The following TBC1D22A variants were observed in gnomAD, a reference collection of about 807,000 sequenced individuals.
TBC1D22A encodes the protein TBC1 domain family member 22A, also known as putative GTPase activator.
Under a neutral mutation model 60.2 loss-of-function variants are expected in TBC1D22A, and 38 were observed. The observed-to-expected ratio is 0.63, with a 90% CI of 0.49 to 0.83. The LOEUF (loss-of-function observed/expected upper bound fraction) is 0.83. Ranked by LOEUF, TBC1D22A falls within the 40% of genes least tolerant of loss-of-function variation. TBC1D22A has a pLI of 0.00. For missense variants in TBC1D22A, 628 were observed against 701.0 expected, an observed-to-expected ratio of 0.90 and a Z score of 1.18; for synonymous variants, 302 against 281.7, an observed-to-expected ratio of 1.07 and a Z score of -0.72.
intron 4 of TBC1D22A, among the ~76,000 whole-genome samples, chr22:46,852,565 A>G (rs777657644): frequency 1.1e-4 from 16 of 152,162 alleles, no homozygotes; most frequent in Non-Finnish European, 1.6e-4. Context: ...CTCTGGAGAC[A>G]TCATACTGGG....
In TBC1D22A at chr22:46,906,779, C is replaced by CTG. The variant is rs148450942; in HGVS notation, c.901-5275_901-5274dup. Among the ~76,000 whole-genome samples the CTG allele has an allele frequency of 4.8e-3, 714 of 149,168 alleles. 3 individuals are homozygous for CTG. The highest frequency in any genetic ancestry group is 0.01 in the African/African-American group (416 of 40,596). On this transcript the variant is annotated intron_variant, in intron 7 of 12. Transcript: ENST00000337137. ...GTGTGTGTCCCAGATGGACCCTGAA[C>CTG]TGTGTGTGTGTGTGTGTGTGTATGT...
At chr22:46,925,080 T>A (rs150292484) in intron 8 of TBC1D22A, among the ~76,000 whole-genome samples, 1 of 152,374 alleles carries the variant, frequency 6.6e-6, no homozygotes, top group East Asian at 1.9e-4. Flanking sequence ...TTCTCATTGA[T>A]AAGTTGTAGC....
chr22:47,014,412 C>A (rs557150512), intron 10 of TBC1D22A, among the ~76,000 whole-genome samples: 71 of 152,306 alleles, frequency 4.7e-4, no homozygotes, highest in South Asian at 1.0e-3. Flanking sequence ...CCAGACTAGA[C>A]CCAGGGCCCC....
chr22:46,928,401 G>T (rs1476598133), intron 8 of TBC1D22A, among the ~76,000 whole-genome samples: 2 of 152,196 alleles, frequency 1.3e-5, no homozygotes, highest in East Asian at 1.9e-4. Context: ...TTCCACTCCT[G>T]CCTCTCTGTA....
At chr22:46,873,678 C>A (rs1207654885) in intron 4 of TBC1D22A, among the ~76,000 whole-genome samples, 1 of 152,196 alleles carries the variant, frequency 6.6e-6, no homozygotes, top group African/African-American at 2.4e-5. Flanking sequence ...CCATCCTCTG[C>A]CCTCCAGTAG....
chr22:46,962,069 G>A (rs1161776825), intron 8 of TBC1D22A, among the ~76,000 whole-genome samples: 2 of 152,192 alleles, frequency 1.3e-5, no homozygotes, highest in Non-Finnish European at 2.9e-5. Flanking sequence ...GACTGTGGCC[G>A]GCCCTCTGGT....
chr22:47,013,557 CTCT>C (rs1252454501), intron 10 of TBC1D22A, among the ~76,000 whole-genome samples: 1 of 152,226 alleles, frequency 6.6e-6, no homozygotes, highest in Admixed American at 6.5e-5. Flanking sequence ...TGTGTCTTTT[CTCT>C]TCTTCATTTT....
intron 10 of TBC1D22A, among the ~76,000 whole-genome samples, chr22:47,032,533 C>T (rs1346081554): frequency 6.6e-6 from 1 of 152,222 alleles, no homozygotes; most frequent in African/African-American, 2.4e-5. Flanking sequence ...GGGAAGAACA[C>T]CCAGGCTCTG....
At chr22:47,104,167 G>T (rs1020249243) in intron 11 of TBC1D22A, among the ~76,000 whole-genome samples, 14 of 152,126 alleles carry the variant, frequency 9.2e-5, no homozygotes, top group South Asian at 2.1e-4. Flanking sequence ...TTAGCTAGGT[G>T]TGGTGGTGTG....
At chr22:46,975,886 C>A (rs1261812129) in intron 9 of TBC1D22A, among the ~76,000 whole-genome samples, 10 of 152,156 alleles carry the variant, frequency 6.6e-5, no homozygotes, top group Non-Finnish European at 8.8e-5. Flanking sequence ...AGAATGGAAA[C>A]CTCGTATCTA....
intron 8 of TBC1D22A, among the ~76,000 whole-genome samples, chr22:46,922,349 G>C (rs899698195): frequency 6.6e-6 from 1 of 152,212 alleles, no homozygotes; most frequent in African/African-American, 2.4e-5. Context: ...TCATAAGCAT[G>C]AATATTGTAA....
chr22:47,145,545 G>A (rs1179320570), intron 12 of TBC1D22A, among the ~76,000 whole-genome samples: 1 of 152,188 alleles, frequency 6.6e-6, no homozygotes, highest in Non-Finnish European at 1.5e-5. Flanking sequence ...CAAAAGCATC[G>A]TCATATGAAG....
At chr22:46,798,939 G>A (rs1472625491) in intron 4 of TBC1D22A, among the ~76,000 whole-genome samples, 3 of 152,220 alleles carry the variant, frequency 2.0e-5, no homozygotes, top group Admixed American at 2.0e-4. Context: ...CTGAAGCTGT[G>A]TTCTCGAGGC....
chr22:47,110,139 G>A (rs190810863), intron 11 of TBC1D22A, among the ~76,000 whole-genome samples: 23 of 152,298 alleles, frequency 1.5e-4, no homozygotes, highest in Admixed American at 2.0e-4. Context: ...CAGGGTCTCT[G>A]TGTTTCCTGC....
chr22:47,106,436 C>G (rs2065634904), intron 11 of TBC1D22A, among the ~76,000 whole-genome samples: 1 of 152,142 alleles, frequency 6.6e-6, no homozygotes, highest in African/African-American at 2.4e-5. Flanking sequence ...GAAGGAATGA[C>G]AAATAGATTG....
intron 4 of TBC1D22A, among the ~76,000 whole-genome samples, chr22:46,874,176 G>A (rs180864841): frequency 2.6e-5 from 4 of 152,124 alleles, no homozygotes; most frequent in African/African-American, 9.7e-5. Flanking sequence ...TCTTTATGGA[G>A]TCTCTCATTG....
At chr22:46,847,645 A>T (rs1397566184) in intron 4 of TBC1D22A, among the ~76,000 whole-genome samples, 1 of 151,946 alleles carries the variant, frequency 6.6e-6, no homozygotes, top group African/African-American at 2.4e-5. Context: ...AGGTCTGTTG[A>T]TGATGTCTGA....
At chr22:47,169,251 C>G (rs2068335104) in intron 12 of TBC1D22A, among the ~76,000 whole-genome samples, 1 of 152,204 alleles carries the variant, frequency 6.6e-6, no homozygotes, top group Non-Finnish European at 1.5e-5. Flanking sequence ...CCCACCCCCA[C>G]CGGCCCTCAA....
At chr22:46,953,091 T>A (rs1198080762) in intron 8 of TBC1D22A, among the ~76,000 whole-genome samples, 1 of 152,228 alleles carries the variant, frequency 6.6e-6, no homozygotes, top group Non-Finnish European at 1.5e-5. Flanking sequence ...CATACTTCAC[T>A]TCCTTGAGGG....
Sources: allele counts gnomAD v4.1 joint callset (sites outside exome capture counted in the v4.1 genomes callset), GRCh38; gene constraint gnomAD v4.1.1; transcripts MANE v1.5; gene names NCBI Gene and HGNC (gene_info 2026-07-23, HGNC 2026-07-21).